Variants in ENTREP1 observed in about 807,000 individuals in gnomAD.
ENTREP1 encodes Friedreich ataxia region gene X123.
the ENTREP1 span, among the ~76,000 whole-genome samples, chr9:69,349,350 T>A: frequency 6.6e-6 from 1 of 152,174 alleles, no homozygotes; most frequent in Non-Finnish European, 1.5e-5. Context: ...TTTGAGAAAT[T>A]GCTAAACTGT....
the ENTREP1 span, chr9:69,377,872 C>G: frequency 9.5e-7 from 1 of 1,055,540 alleles, no homozygotes; most frequent in African/African-American, 1.6e-5. Context: ...TTTTTCCTGA[C>G]TTGAGGAACG....
the ENTREP1 span, chr9:69,391,721 C>T: frequency 1.2e-6 from 2 of 1,613,864 alleles, no homozygotes; most frequent in Non-Finnish European, 1.7e-6. Flanking sequence ...AGCGGGGAGG[C>T]CCCGAGCCGA....
At chr9:69,341,606 T>C in the ENTREP1 span, among the ~76,000 whole-genome samples, 1 of 152,294 alleles carries the variant, frequency 6.6e-6, no homozygotes, top group South Asian at 2.1e-4. Flanking sequence ...AGTCATAGAA[T>C]ACTTAGACAC....
chr9:69,383,808 A>G, the ENTREP1 span: 1 of 1,610,876 alleles, frequency 6.2e-7, no homozygotes, highest in East Asian at 2.2e-5. Flanking sequence ...CAAGTGGGAA[A>G]GACAGCACCG....
At chr9:69,350,825 GCTGAT>G in the ENTREP1 span, among the ~76,000 whole-genome samples, 4 of 152,100 alleles carry the variant, frequency 2.6e-5, no homozygotes, top group African/African-American at 9.7e-5. Flanking sequence ...GAATCTTGAT[GCTGAT>G]CTGATTCTTG....
chr9:69,368,948 A>G, the ENTREP1 span, among the ~76,000 whole-genome samples: 4 of 151,992 alleles, frequency 2.6e-5, no homozygotes, highest in Non-Finnish European at 5.9e-5. Flanking sequence ...ACTCTCAACT[A>G]CATTAGTATT....
At chr9:69,350,194 A>AT in the ENTREP1 span, among the ~76,000 whole-genome samples, 1 of 152,028 alleles carries the variant, frequency 6.6e-6, no homozygotes, top group Admixed American at 6.6e-5. Context: ...TTTTTCTAAG[A>AT]TTTTTATTAT....
chr9:69,338,157 T>C, the ENTREP1 span, among the ~76,000 whole-genome samples: 52 of 152,316 alleles, frequency 3.4e-4, no homozygotes, highest in African/African-American at 1.1e-3. Flanking sequence ...ATTTTTAGCA[T>C]ACCATTTTAA....
At chr9:69,354,253 C>CTTT in the ENTREP1 span, among the ~76,000 whole-genome samples, 5 of 53,290 alleles carry the variant, frequency 9.4e-5, no homozygotes, top group African/African-American at 3.6e-4. Context: ...CCTATTGCAA[C>CTTT]ATTTTTTTTT....
the ENTREP1 span, chr9:69,325,572 G>C: frequency 8.2e-7 from 1 of 1,220,724 alleles, no homozygotes. Flanking sequence ...GCGGCCCCGG[G>C]CTCCGCGCTG....
At chr9:69,383,793 G>A in the ENTREP1 span, 1 of 1,613,504 alleles carries the variant, frequency 6.2e-7, no homozygotes, top group Non-Finnish European at 8.5e-7. Context: ...TAAGTACATT[G>A]ACTGCAAGTG....
chr9:69,324,595 C>G, the ENTREP1 span: 3 of 985,394 alleles, frequency 3.0e-6, no homozygotes, highest in South Asian at 4.7e-5. Context: ...CCGCTCCTAC[C>G]GAGATGCCGG....
chr9:69,325,974 T>TAAAC, the ENTREP1 span, among the ~76,000 whole-genome samples: 132,384 of 151,776 alleles, frequency 0.87, 57,911 homozygotes, highest in African/African-American at 0.95. Context: ...CTAATAGAAT[T>TAAAC]AAAGACACCC....
At chr9:69,325,149 G>GGCGGCA in the ENTREP1 span, 65 of 1,035,736 alleles carry the variant, frequency 6.3e-5, 1 homozygote, top group Middle Eastern at 1.8e-3. Context: ...CAGCGGCAGC[G>GGCGGCA]GCGGCAGCAA....
At chr9:69,381,593 C>A in the ENTREP1 span, 1 of 152,182 alleles carries the variant, frequency 6.6e-6, no homozygotes, top group East Asian at 1.9e-4. Flanking sequence ...GGTGATTCTA[C>A]CTACCTTGCC....
the ENTREP1 span, among the ~76,000 whole-genome samples, chr9:69,364,480 A>G: frequency 6.6e-6 from 1 of 151,910 alleles, no homozygotes; most frequent in Non-Finnish European, 1.5e-5. Context: ...CTTTGTGACT[A>G]TAATGTGCTT....
the ENTREP1 span, among the ~76,000 whole-genome samples, chr9:69,339,038 G>T: frequency 6.6e-6 from 1 of 151,140 alleles, no homozygotes; most frequent in African/African-American, 2.4e-5. Context: ...GTTTTTTTTT[G>T]AGAGAGGGTC....
At chr9:69,391,975 G>T in the ENTREP1 span, 1 of 652,202 alleles carries the variant, frequency 1.5e-6, no homozygotes, top group South Asian at 1.9e-5. Flanking sequence ...TAAATGCACA[G>T]GTCGGTCCAG....
the ENTREP1 span, among the ~76,000 whole-genome samples, chr9:69,340,513 A>T: frequency 3.9e-5 from 6 of 152,192 alleles, no homozygotes; most frequent in Non-Finnish European, 7.4e-5. Flanking sequence ...TCAGAACAAA[A>T]ATGATAATAT....
Sources: allele counts gnomAD v4.1 joint callset (sites outside exome capture counted in the v4.1 genomes callset), GRCh38; gene constraint gnomAD v4.1.1; transcripts MANE v1.5; gene names NCBI Gene and HGNC (gene_info 2026-07-23, HGNC 2026-07-21).